The following SRGAP1 variants were observed in gnomAD, a reference collection of about 807,000 sequenced individuals.
The protein encoded by SRGAP1 is SLIT-ROBO Rho GTPase activating protein 1.
Under a neutral mutation model 121.9 loss-of-function variants are expected in SRGAP1, and 43 were observed. That is an observed-to-expected ratio of 0.35 (90% confidence interval 0.28 to 0.46). SRGAP1 has a LOEUF of 0.46. Among genes scored for constraint, SRGAP1 ranks in the 20% least tolerant of loss-of-function variants. The probability of loss-of-function intolerance (pLI) is 1.00; values close to 1 mark genes in which losing one functional copy is unlikely to be tolerated. For synonymous variants in SRGAP1, 447 were observed against 485.4 expected (o/e 0.92, Z 1.04); for missense variants, 1,102 against 1,350.9 (o/e 0.82, Z 2.89).
chr12:64,064,263 G>A lies in SRGAP1; in HGVS notation c.1024-855G>A, dbSNP rs369834027. 1.1e-4 allele frequency among the ~76,000 whole-genome samples: 16 copies of A among 152,032 alleles called. No individual in the cohort carries two copies. In the East Asian group the frequency reaches 2.9e-3, roughly 28 times the overall value. On this transcript the variant is annotated intron_variant, in intron 7 of 21. Coordinates refer to ENST00000355086, the MANE Select transcript of SRGAP1 (RefSeq NM_020762.4). ...GCAGTGGTAATCTCTCTAATGTTTT[G>A]GAAACTCTATAAAAGGAACCCCCAT...
intron 1 of SRGAP1, among the ~76,000 whole-genome samples, chr12:63,896,181 A>C (rs1213626751): frequency 6.6e-6 from 1 of 152,202 alleles, no homozygotes; most frequent in African/African-American, 2.4e-5. Context: ...TGGGGGTTAA[A>C]TGATCTATTA....
intron 4 of SRGAP1, among the ~76,000 whole-genome samples, chr12:64,023,581 G>A (rs1044300605): frequency 6.6e-6 from 1 of 152,132 alleles, no homozygotes; most frequent in Non-Finnish European, 1.5e-5. Context: ...TTCTAATCAA[G>A]ATTAACACAG....
At chr12:63,872,506 T>C (rs1031913172) in intron 1 of SRGAP1, among the ~76,000 whole-genome samples, 2 of 152,218 alleles carry the variant, frequency 1.3e-5, no homozygotes, top group South Asian at 2.1e-4. Flanking sequence ...CAAGTAGACA[T>C]AGACATGTGG....
chr12:63,862,818 A>G (rs1899499823), intron 1 of SRGAP1, among the ~76,000 whole-genome samples: 1 of 152,168 alleles, frequency 6.6e-6, no homozygotes, highest in Non-Finnish European at 1.5e-5. Context: ...GCTCATATTG[A>G]TTACCACAGT....
chr12:64,051,608 C>T (rs2035240603), intron 6 of SRGAP1, among the ~76,000 whole-genome samples: 1 of 152,138 alleles, frequency 6.6e-6, no homozygotes, highest in Admixed American at 6.6e-5. Flanking sequence ...ACAGCTAAAA[C>T]TTTTAATAAT....
intron 3 of SRGAP1, among the ~76,000 whole-genome samples, chr12:64,004,121 A>T (rs1228078552): frequency 6.6e-6 from 1 of 152,176 alleles, no homozygotes; most frequent in African/African-American, 2.4e-5. Flanking sequence ...AGAAACATTA[A>T]TGTAAGTCAA....
chr12:63,933,620 A>C (rs1305704930), intron 1 of SRGAP1, among the ~76,000 whole-genome samples: 1 of 152,228 alleles, frequency 6.6e-6, no homozygotes, highest in Non-Finnish European at 1.5e-5. Flanking sequence ...AAAGATGGTA[A>C]GTATCTTGCT....
intron 1 of SRGAP1, among the ~76,000 whole-genome samples, chr12:63,932,710 T>C (rs1172103670): frequency 6.6e-6 from 1 of 152,170 alleles, no homozygotes; most frequent in East Asian, 1.9e-4. Flanking sequence ...CCCAAGGAAA[T>C]TGATTTTACC....
intron 21 of SRGAP1, among the ~76,000 whole-genome samples, chr12:64,134,124 C>G (rs2036824721): frequency 6.6e-6 from 1 of 152,058 alleles, no homozygotes; most frequent in African/African-American, 2.4e-5. Context: ...CAGGGCTCTT[C>G]AAAGATGCAA....
At chr12:63,854,416 C>T (rs1210084989) in intron 1 of SRGAP1, among the ~76,000 whole-genome samples, 1 of 152,054 alleles carries the variant, frequency 6.6e-6, no homozygotes, top group Non-Finnish European at 1.5e-5. Flanking sequence ...TTTAAAGATA[C>T]ATGCTGAGTA....
chr12:64,044,490 T>G (rs1399817948), intron 6 of SRGAP1, among the ~76,000 whole-genome samples: 1 of 152,082 alleles, frequency 6.6e-6, no homozygotes, highest in Non-Finnish European at 1.5e-5. Flanking sequence ...ATAGAATATT[T>G]TATGGCTCAT....
chr12:63,848,234 G>C (rs1474696662), intron 1 of SRGAP1, among the ~76,000 whole-genome samples: 1 of 151,918 alleles, frequency 6.6e-6, no homozygotes, highest in Admixed American at 6.6e-5. Context: ...TCGAACTCCT[G>C]ACCTCAGGTG....
intron 1 of SRGAP1, among the ~76,000 whole-genome samples, chr12:63,902,178 C>T (rs1461046698): frequency 6.6e-6 from 1 of 152,118 alleles, no homozygotes; most frequent in East Asian, 1.9e-4. Context: ...AAACATTTTA[C>T]AAAAGTTGAG....
intron 10 of SRGAP1, 32 bp from the exon 11 acceptor site, chr12:64,086,966 TC>T (rs2136575737): frequency 1.3e-6 from 2 of 1,559,242 alleles, no homozygotes; most frequent in East Asian, 4.5e-5. Flanking sequence ...CTGATTCCTT[TC>T]AGTTTACTTA....
At chr12:64,012,627 A>C (rs1339846470) in intron 3 of SRGAP1, among the ~76,000 whole-genome samples, 3 of 127,360 alleles carry the variant, frequency 2.4e-5, no homozygotes, top group African/African-American at 9.4e-5. Context: ...CTCACAGCTC[A>C]CTGCAGCCTC....
At chr12:63,888,952 G>C (rs1900483862) in intron 1 of SRGAP1, among the ~76,000 whole-genome samples, 1 of 152,238 alleles carries the variant, frequency 6.6e-6, no homozygotes, top group South Asian at 2.1e-4. Flanking sequence ...TGGACCATGA[G>C]TGGAGAGGGT....
At chr12:64,009,750 T>TAA (rs11397428) in intron 3 of SRGAP1, among the ~76,000 whole-genome samples, 3 of 151,898 alleles carry the variant, frequency 2.0e-5, no homozygotes, top group Non-Finnish European at 2.9e-5. Context: ...GAGTTTTGTC[T>TAA]AAAAAAATCT....
intron 6 of SRGAP1, among the ~76,000 whole-genome samples, chr12:64,044,568 C>T (rs2035087916): frequency 1.3e-5 from 2 of 151,160 alleles, no homozygotes; most frequent in South Asian, 2.1e-4. Context: ...ATTTAAGTCT[C>T]ATGTATTTAG....
chr12:64,143,812 G>T lies in SRGAP1; in HGVS notation c.*1140G>T, dbSNP rs17100105. 0.03 allele frequency: 4,579 copies of T among 152,086 alleles called. 71 individuals carry two copies. The highest frequency in any genetic ancestry group is 0.099 in the South Asian group (474 of 4,798). The allele number at this position is 152,086 out of a possible 1,614,324, so 9.4% of individuals were successfully genotyped here. A position where few individuals can be genotyped will look rare whatever the true frequency, so the allele number is the denominator to read the frequency against. On this transcript the variant is annotated 3_prime_UTR_variant, in exon 22 of 22. Coordinates refer to ENST00000355086, the MANE Select transcript of SRGAP1 (RefSeq NM_020762.4). ...AAAAAAAATGCTACAAAGTCCTGATGATCCTAAATTTGAAATCCCAACTGT... is the reference window on the plus strand; with the variant it reads ...AAAAAAAATGCTACAAAGTCCTGATTATCCTAAATTTGAAATCCCAACTGT...
Sources: allele counts gnomAD v4.1 joint callset (sites outside exome capture counted in the v4.1 genomes callset), GRCh38; gene constraint gnomAD v4.1.1; transcripts MANE v1.5; gene names NCBI Gene and HGNC (gene_info 2026-07-23, HGNC 2026-07-21).